The following NPAS2 variants were observed in gnomAD, a reference collection of about 807,000 sequenced individuals.
NPAS2 encodes the protein neuronal PAS domain-containing protein 2.
In NPAS2, 23 loss-of-function variants were observed where a neutral mutation model predicts 107.5. The ratio of observed to expected loss-of-function variants is 0.21; its 90% confidence interval spans 0.15 to 0.30. The LOEUF is 0.30. Among genes scored for constraint, NPAS2 ranks in the 10% least tolerant of loss-of-function variants. NPAS2 has a pLI of 1.00. For synonymous variants in NPAS2, 403 were observed against 417.5 expected, an observed-to-expected ratio of 0.97 and a Z score of 0.42; for missense variants, 756 against 1,043.3, an observed-to-expected ratio of 0.72 and a Z score of 3.79.
intron 2 of NPAS2, among the ~76,000 whole-genome samples, chr2:100,906,843 C>A (rs1244560305): frequency 6.6e-6 from 1 of 152,188 alleles, no homozygotes; most frequent in Non-Finnish European, 1.5e-5. Flanking sequence ...TTCTTATTCC[C>A]ATTTTACAGG....
intron 1 of NPAS2, among the ~76,000 whole-genome samples, chr2:100,841,833 C>T (rs559251077): frequency 5.3e-5 from 8 of 152,282 alleles, no homozygotes; most frequent in Admixed American, 4.6e-4. Flanking sequence ...AAGACACATA[C>T]ATATGCACAT....
chr2:100,896,726 A>G (rs1386570289), intron 1 of NPAS2, among the ~76,000 whole-genome samples: 1 of 152,192 alleles, frequency 6.6e-6, no homozygotes, highest in African/African-American at 2.4e-5. Context: ...CCTTGGAGCC[A>G]CCACGATCAT....
chr2:100,960,013 C>A (rs929842978), intron 7 of NPAS2, among the ~76,000 whole-genome samples: 1 of 152,162 alleles, frequency 6.6e-6, no homozygotes, highest in African/African-American at 2.4e-5. Flanking sequence ...GATCTTCCTG[C>A]CCTCATAGTC....
At chr2:100,853,517 A>G (rs1022948110) in intron 1 of NPAS2, among the ~76,000 whole-genome samples, 14 of 152,160 alleles carry the variant, frequency 9.2e-5, no homozygotes, top group Admixed American at 5.9e-4. Flanking sequence ...GGACATGATC[A>G]TCTTTATGTT....
chr2:100,992,029 C>G (rs1678164541), intron 19 of NPAS2, among the ~76,000 whole-genome samples: 1 of 152,204 alleles, frequency 6.6e-6, no homozygotes, highest in Non-Finnish European at 1.5e-5. Context: ...GGGGAGCCAT[C>G]TGTAAAGTTC....
At chr2:100,944,789 G>A (rs895325793) in intron 5 of NPAS2, among the ~76,000 whole-genome samples, 10 of 152,134 alleles carry the variant, frequency 6.6e-5, no homozygotes, top group East Asian at 3.9e-4. Flanking sequence ...TGCATCCAGC[G>A]TTCGTCTTTA....
chr2:100,839,335 G>T (rs1677254729), intron 1 of NPAS2, among the ~76,000 whole-genome samples: 1 of 151,976 alleles, frequency 6.6e-6, no homozygotes, highest in African/African-American at 2.4e-5. Context: ...CAGCATGTTG[G>T]CCAGGTTGCT....
rs996403287 is a variant in NPAS2 at position 100,892,216 on chromosome 2, T to C, written c.-22-12517T>C. Among the ~76,000 whole-genome samples the C allele has an allele frequency of 4.6e-5, 7 of 152,330 alleles. No homozygotes were observed. In the East Asian group the frequency reaches 1.2e-3, roughly 25 times the overall value. On this transcript the variant is annotated intron_variant, in intron 1 of 20. Transcript: ENST00000335681. ...TTAGGATGGCCCTTCCATCCAGATATCATGGCCGTTTCTATCTTGAGAATT... is the reference window on the plus strand; with the variant it reads ...TTAGGATGGCCCTTCCATCCAGATACCATGGCCGTTTCTATCTTGAGAATT...
At chr2:100,949,090 G>A (rs986607003) in intron 6 of NPAS2, among the ~76,000 whole-genome samples, 4 of 152,144 alleles carry the variant, frequency 2.6e-5, no homozygotes, top group African/African-American at 4.8e-5. Context: ...GAAAACAGCC[G>A]GAACTAATCA....
chr2:100,855,101 T>A (rs544676944), intron 1 of NPAS2, among the ~76,000 whole-genome samples: 81 of 152,364 alleles, frequency 5.3e-4, no homozygotes, highest in Middle Eastern at 6.8e-3. Context: ...ATGTGGCTTG[T>A]AGGCATTTGA....
chr2:100,822,194 G>A (rs578223693), intron 1 of NPAS2, among the ~76,000 whole-genome samples: 10 of 152,282 alleles, frequency 6.6e-5, no homozygotes, highest in Middle Eastern at 3.4e-3. Context: ...ACGTTCTAGA[G>A]GAAATATGTT....
intron 1 of NPAS2, among the ~76,000 whole-genome samples, chr2:100,900,349 G>A (rs1681696101): frequency 6.6e-6 from 1 of 152,164 alleles, no homozygotes; most frequent in South Asian, 2.1e-4. Context: ...TGCATCATTA[G>A]TCATCAGGGA....
chr2:100,866,151 T>A (rs1679238917), intron 1 of NPAS2, among the ~76,000 whole-genome samples: 1 of 152,108 alleles, frequency 6.6e-6, no homozygotes, highest in Admixed American at 6.6e-5. Flanking sequence ...AGATTGGAAG[T>A]GGAGTGAGCA....
At chr2:100,844,780 G>A (rs73967681) in intron 1 of NPAS2, among the ~76,000 whole-genome samples, 9,070 of 152,164 alleles carry the variant, frequency 0.06, 945 homozygotes, top group African/African-American at 0.21. Flanking sequence ...GTATAGTTGC[G>A]CCTCTTTCCA....
At chr2:100,880,541 A>G (rs561098212) in intron 1 of NPAS2, among the ~76,000 whole-genome samples, 4 of 152,332 alleles carry the variant, frequency 2.6e-5, no homozygotes, top group African/African-American at 7.2e-5. Flanking sequence ...AAAAGGTTGT[A>G]TAGTCCCTCT....
At chr2:100,991,640 C>T (rs889311214) in intron 19 of NPAS2, among the ~76,000 whole-genome samples, 10 of 152,182 alleles carry the variant, frequency 6.6e-5, no homozygotes, top group South Asian at 2.1e-4. Context: ...CAGAGAGTAA[C>T]GGCAGATGGT....
rs149868418 is a variant in NPAS2 at position 100,890,760 on chromosome 2, C to T, written c.-22-13973C>T. 9.3e-4 allele frequency among the ~76,000 whole-genome samples: 142 copies of T among 152,164 alleles called. 1 individual carries two copies. The East Asian group carries it at 0.019, about 20-fold the overall frequency. On this transcript the variant is annotated intron_variant, in intron 1 of 20. Transcript: ENST00000335681. ...AATCTAATACATCATAAGAGAGTCC[C>T]GGGTGTGAAGGAAGAGTGCTCCTTG... is the stretch of plus-strand genomic sequence containing the variant.
intron 1 of NPAS2, among the ~76,000 whole-genome samples, chr2:100,875,613 G>A (rs566938435): frequency 3.2e-4 from 49 of 152,294 alleles, no homozygotes; most frequent in African/African-American, 1.1e-3. Flanking sequence ...CGCGCAGCTT[G>A]TCGAGGCTTG....
At chr2:100,974,744 G>A (rs190422543) in intron 12 of NPAS2, 59 bp from the exon 13 acceptor site, 60 of 1,556,930 alleles carry the variant, frequency 3.9e-5, no homozygotes, top group Admixed American at 3.7e-5. Flanking sequence ...CTAAAGTCAC[G>A]CCCACTGATT....
Sources: gnomAD v4.1 joint callset for allele counts (sites outside exome capture counted in the v4.1 genomes callset) on GRCh38, gnomAD v4.1.1 for gene constraint, MANE v1.5 for transcripts, NCBI Gene and HGNC (gene_info 2026-07-23, HGNC 2026-07-21) for gene names.